ZNF516: variants seen among roughly 807,000 people sequenced by gnomAD.
ZNF516 encodes zinc finger protein 516.
A neutral mutation model predicts 79.7 loss-of-function variants in ZNF516; 19 were observed. That is an observed-to-expected ratio of 0.24 (90% CI 0.17 to 0.35). The LOEUF is 0.35. ZNF516 is among the 10% of genes least tolerant of loss of function. The probability of loss-of-function intolerance (pLI) is 1.00; values close to 1 mark genes in which losing one functional copy is unlikely to be tolerated. For synonymous variants in ZNF516, 877 were observed against 739.5 expected (o/e 1.19, Z -3.02); for missense variants, 1,678 against 1,679.5 (o/e 1.00, Z 0.02).
intron 3 of ZNF516, among the ~76,000 whole-genome samples, chr18:76,428,791 G>A (rs992859530): frequency 2.6e-5 from 4 of 152,266 alleles, no homozygotes; most frequent in African/African-American, 4.8e-5. Context: ...GAGGAGGATC[G>A]CTCCTTTCCA....
intron 2 of ZNF516, among the ~76,000 whole-genome samples, chr18:76,456,752 T>TGGGGGGGG (rs5826456): frequency 1.6e-4 from 19 of 117,712 alleles, no homozygotes; most frequent in African/African-American, 2.3e-4. Flanking sequence ...GGCTGGGGGG[T>TGGGGGGGG]GGGGGGGGGC....
chr18:76,417,150 C>T (rs1352888181), intron 3 of ZNF516, among the ~76,000 whole-genome samples: 1 of 152,214 alleles, frequency 6.6e-6, no homozygotes, highest in African/African-American at 2.4e-5. Context: ...TGCCTTTGAA[C>T]TCCGAATGCC....
chr18:76,490,924 T>C (rs1915142943), intron 1 of ZNF516: 5 of 985,492 alleles, frequency 5.1e-6, no homozygotes, highest in Non-Finnish European at 6.0e-6. Flanking sequence ...CCCCGGCCTC[T>C]TTACCGCGGA....
Position 76,493,255 on chromosome 18 carries a change from G to A in ZNF516, c.-272+1889C>T. The stretch of plus-strand genomic sequence containing the variant: ...ATATTTTGTACTTCCACAAAGGATG[G>A]AAAGGGAAATTCACGAAGGGAGTGG... On this transcript the variant is annotated intron_variant, in intron 1 of 6. Transcript: ENST00000443185. This position sits in a 1 kb window ranked among gnomAD's most constrained non-coding sequence, Gnocchi z 5.2. 1.1e-6 allele frequency: 1 copy of A among 923,486 alleles called. No individual in the cohort carries two copies. Among genetic ancestry groups the A allele is most frequent in the East Asian group, 1.2e-4 (1 of 8,158 alleles). 57.2% of individuals were successfully genotyped at this position (923,486 alleles called of 1,614,324 possible).
intron 2 of ZNF516, among the ~76,000 whole-genome samples, chr18:76,461,234 T>A (rs528663879): frequency 1.3e-5 from 2 of 152,192 alleles, no homozygotes; most frequent in African/African-American, 4.8e-5. Flanking sequence ...GGCTGACTTA[T>A]CTGCCTAAAC....
At chr18:76,491,804 C>CA (rs1220386199) in intron 1 of ZNF516, 1 of 152,238 alleles carries the variant, frequency 6.6e-6, no homozygotes, top group South Asian at 2.1e-4. Context: ...CGCTGCTGCT[C>CA]AGACACACCG....
Position 76,404,804 on chromosome 18 carries a change from T to C in ZNF516, c.1811-24501A>G, listed in dbSNP as rs867734780. On this transcript the variant is annotated intron_variant, in intron 3 of 6. Coordinates refer to ENST00000443185, the MANE Select transcript of ZNF516 (RefSeq NM_014643.4). ...ACATGTGTGAGCATATGTGTGCATGTTAGCATGTGTGCACGAGTTTGCATG... is the reference window on the plus strand; with the variant it reads ...ACATGTGTGAGCATATGTGTGCATGCTAGCATGTGTGCACGAGTTTGCATG... 3.9e-5 allele frequency among the ~76,000 whole-genome samples: 6 copies of C among 151,954 alleles called. No individual in the cohort carries two copies. The South Asian group carries it at 1.0e-3, about 26-fold the overall frequency.
intron 3 of ZNF516, among the ~76,000 whole-genome samples, chr18:76,434,009 C>A (rs1048930857): frequency 6.6e-6 from 1 of 151,552 alleles, no homozygotes; most frequent in African/African-American, 2.4e-5. Flanking sequence ...CCCTCGGCAA[C>A]GCCTTACCCA....
chr18:76,380,794 T>G (rs2074878560), intron 3 of ZNF516, among the ~76,000 whole-genome samples: 2 of 144,238 alleles, frequency 1.4e-5, no homozygotes, highest in African/African-American at 5.0e-5. Context: ...GCTTACTCTG[T>G]CCAAAGGACC....
chr18:76,365,761 A>G (rs1362309627), intron 6 of ZNF516, among the ~76,000 whole-genome samples: 1 of 152,198 alleles, frequency 6.6e-6, no homozygotes, highest in Non-Finnish European at 1.5e-5. Flanking sequence ...ACAAGAGCGG[A>G]TGCCCTCACA....
intron 6 of ZNF516, among the ~76,000 whole-genome samples, chr18:76,364,332 A>T (rs1348794709): frequency 6.6e-6 from 1 of 152,206 alleles, no homozygotes; most frequent in Admixed American, 6.5e-5. Flanking sequence ...GCCCTAGAGC[A>T]TTTTTAAGAA....
intron 1 of ZNF516, among the ~76,000 whole-genome samples, chr18:76,480,653 G>GA (rs1305741031): frequency 5.9e-5 from 9 of 151,912 alleles, no homozygotes; most frequent in African/African-American, 9.7e-5. Flanking sequence ...CTCCCAAGTA[G>GA]CTGGGATTAC....
intron 4 of ZNF516, among the ~76,000 whole-genome samples, chr18:76,372,475 T>G (rs780535954): frequency 2.6e-5 from 4 of 152,238 alleles, no homozygotes; most frequent in Non-Finnish European, 2.9e-5. Flanking sequence ...TTACACCTGT[T>G]GCAGTAATTT....
At chr18:76,424,385 C>T (rs1413894574) in intron 3 of ZNF516, among the ~76,000 whole-genome samples, 2 of 134,628 alleles carry the variant, frequency 1.5e-5, no homozygotes, top group Non-Finnish European at 3.2e-5. Context: ...GAAAGGGTCC[C>T]CCCCGAAACA....
intron 3 of ZNF516, chr18:76,387,623 T>C (rs2075013277): frequency 6.6e-6 from 1 of 152,286 alleles, no homozygotes; most frequent in African/African-American, 2.4e-5. Context: ...AAGCTGGTAA[T>C]GTAGGAGACC....
At chr18:76,495,849 T>TG (rs1052191430), upstream of ZNF516, 3 of 743,932 alleles carry the variant, frequency 4.0e-6, no homozygotes, top group African/African-American at 5.8e-5. Flanking sequence ...TAAATGCCTC[T>TG]GGGGGTGTTC....
At chr18:76,438,397 A>T (rs1320536159) in intron 3 of ZNF516, among the ~76,000 whole-genome samples, 1 of 152,224 alleles carries the variant, frequency 6.6e-6, no homozygotes, top group Non-Finnish European at 1.5e-5. Flanking sequence ...TACAAACTCC[A>T]ATTAGATGCC....
At chr18:76,426,934 G>A (rs1052582003) in intron 3 of ZNF516, among the ~76,000 whole-genome samples, 2 of 152,210 alleles carry the variant, frequency 1.3e-5, no homozygotes, top group African/African-American at 4.8e-5. Context: ...AAGGATCCTG[G>A]AACCGAGGCG....
Position 76,362,516 on chromosome 18 carries a change from A to G in ZNF516, c.3474T>C (p.Pro1158=). ...HSNTGTVQTV[P]LRKGT The stretch of plus-strand genomic sequence containing the variant: ...CACGCCTTTAGGTTCCCTTTCTCAG[A>G]GGCACTGTCTGGACGGTACCTGTGT... Residue 1158 remains proline, a synonymous_variant, in exon 7 of 7, where the codon CCT becomes CCC. Transcript: ENST00000443185. 6.2e-7 allele frequency: 1 copy of G among 1,613,282 alleles called. No homozygotes were observed. The highest frequency in any genetic ancestry group is 1.1e-5 in the South Asian group (1 of 91,038).
Sources: allele counts gnomAD v4.1 joint callset (sites outside exome capture counted in the v4.1 genomes callset), GRCh38; gene constraint gnomAD v4.1.1; non-coding constraint Gnocchi (gnomAD v3.1); transcripts MANE v1.5; gene names NCBI Gene and HGNC (gene_info 2026-07-23, HGNC 2026-07-21).